The following LRRC4C variants were observed in gnomAD, a reference collection of about 807,000 sequenced individuals.
LRRC4C encodes leucine-rich repeat-containing protein 4C.
Under a neutral mutation model 33.6 loss-of-function variants are expected in LRRC4C, and 5 were observed. That is an observed-to-expected ratio of 0.15 (90% CI 0.08 to 0.31). LRRC4C has a LOEUF of 0.31. Among genes scored for constraint, LRRC4C ranks in the 10% least tolerant of loss-of-function variants. The probability of loss-of-function intolerance (pLI) is 1.00; values close to 1 mark genes in which losing one functional copy is unlikely to be tolerated. For synonymous variants in LRRC4C, 329 were observed against 302.0 expected (o/e 1.09, Z -0.93); for missense variants, 560 against 796.7 (o/e 0.70, Z 3.58).
rs192171758 is a variant in LRRC4C, at chr11:40,617,722, G to T, written c.-270+30420C>A. Among the ~76,000 whole-genome samples, 291 of 151,654 alleles carry T rather than the reference G, an allele frequency of 1.9e-3. 1 individual carries two copies. Among genetic ancestry groups the T allele is most frequent in the African/African-American group, 6.7e-3 (278 of 41,432 alleles). On this transcript the variant is annotated intron_variant, in intron 3 of 6. Coordinates refer to ENST00000528697, the MANE Select transcript of LRRC4C (RefSeq NM_001258419.2). ...TGAATTTGGTATTCTTTATTATTGGGCAGACTGAATACATAATCATACATG... is the reference window on the plus strand; with the variant it reads ...TGAATTTGGTATTCTTTATTATTGGTCAGACTGAATACATAATCATACATG...
chr11:41,307,965 A>G (rs1019294275), intron 1 of LRRC4C, among the ~76,000 whole-genome samples: 13 of 152,178 alleles, frequency 8.5e-5, no homozygotes, highest in Admixed American at 2.0e-4. Flanking sequence ...GCCCACATTC[A>G]GACTCATGTC....
At chr11:41,075,470 GA>G (rs1939079024) in intron 1 of LRRC4C, among the ~76,000 whole-genome samples, 1 of 151,982 alleles carries the variant, frequency 6.6e-6, no homozygotes, top group Non-Finnish European at 1.5e-5. Flanking sequence ...AACATTAGTG[GA>G]AGGTATTATT....
intron 1 of LRRC4C, among the ~76,000 whole-genome samples, chr11:41,205,464 A>G (rs1946562126): frequency 6.6e-6 from 1 of 152,164 alleles, no homozygotes; most frequent in South Asian, 2.1e-4. Context: ...TACCAGATAA[A>G]CAAAGGAGAT....
chr11:41,308,607 C>T (rs1468694473), intron 1 of LRRC4C, among the ~76,000 whole-genome samples: 1 of 152,042 alleles, frequency 6.6e-6, no homozygotes. Context: ...GTATTCAAAG[C>T]GAAGAGATAT....
intron 3 of LRRC4C, among the ~76,000 whole-genome samples, chr11:40,514,623 A>G (rs1955486381): frequency 6.6e-6 from 1 of 151,904 alleles, no homozygotes; most frequent in Non-Finnish European, 1.5e-5. Context: ...TTTATCCTTT[A>G]TTTTAATTAT....
intron 2 of LRRC4C, among the ~76,000 whole-genome samples, chr11:40,717,559 C>A (rs1360084545): frequency 6.6e-6 from 1 of 151,866 alleles, no homozygotes; most frequent in Non-Finnish European, 1.5e-5. Flanking sequence ...ACATGGGGTT[C>A]TTTTTTTGGG....
chr11:40,178,148 A>C (rs915556813), intron 5 of LRRC4C, among the ~76,000 whole-genome samples: 2 of 152,194 alleles, frequency 1.3e-5, no homozygotes, highest in African/African-American at 4.8e-5. Context: ...TCTTATTGCC[A>C]TCTGGAGGCT....
At chr11:41,005,384 G>A (rs908489627) in intron 1 of LRRC4C, among the ~76,000 whole-genome samples, 2 of 152,110 alleles carry the variant, frequency 1.3e-5, no homozygotes, top group African/African-American at 2.4e-5. Context: ...TGGGTGGATC[G>A]CTTAAGATCA....
At chr11:40,194,844 T>C (rs1862126076) in intron 5 of LRRC4C, among the ~76,000 whole-genome samples, 1 of 152,078 alleles carries the variant, frequency 6.6e-6, no homozygotes, top group African/African-American at 2.4e-5. Flanking sequence ...ATCCCAGCAC[T>C]TTGGGAGGCC....
rs1951935002 is a variant in LRRC4C, at chr11:40,452,505, G to A, written c.-269-132784C>T. Among the ~76,000 whole-genome samples, 4 of 152,138 alleles carry A rather than the reference G, an allele frequency of 2.6e-5. No homozygotes were observed. In the South Asian group the frequency reaches 8.3e-4, roughly 31 times the overall value. ...GATACCATCTCACACCAGTTAGAAT[G>A]GTGATCATTAAAAAGTCAGGAAACA... On this transcript the variant is annotated intron_variant, in intron 3 of 6. Coordinates refer to ENST00000528697, the MANE Select transcript of LRRC4C (RefSeq NM_001258419.2).
intron 3 of LRRC4C, among the ~76,000 whole-genome samples, chr11:40,343,880 A>C (rs1325837842): frequency 6.6e-6 from 1 of 152,108 alleles, no homozygotes; most frequent in Non-Finnish European, 1.5e-5. Flanking sequence ...ACCTCCATGC[A>C]CACAAGCTAG....
intron 2 of LRRC4C, among the ~76,000 whole-genome samples, chr11:40,847,925 T>G (rs1953272317): frequency 6.6e-6 from 1 of 152,006 alleles, no homozygotes; most frequent in African/African-American, 2.4e-5. Flanking sequence ...CCTTTCTATT[T>G]TCTAGTTTAT....
intron 3 of LRRC4C, among the ~76,000 whole-genome samples, chr11:40,599,464 TAAG>T (rs1027290833): frequency 6.6e-6 from 1 of 152,114 alleles, no homozygotes; most frequent in African/African-American, 2.4e-5. Context: ...ATGGCCTTCT[TAAG>T]AAGAACCATA....
chr11:40,154,287 CAAA>C (rs60017606), intron 5 of LRRC4C, among the ~76,000 whole-genome samples: 10 of 114,168 alleles, frequency 8.8e-5, no homozygotes, highest in Non-Finnish European at 1.1e-4. Context: ...AGCTAAAAAG[CAAA>C]AAAAAAAAAA....
chr11:40,698,396 A>T (rs947678502), intron 2 of LRRC4C, among the ~76,000 whole-genome samples: 1 of 152,132 alleles, frequency 6.6e-6, no homozygotes, highest in Non-Finnish European at 1.5e-5. Flanking sequence ...ACTAGCAATC[A>T]TTGTATTTTG....
chr11:40,311,045 A>G (rs1306398554), intron 4 of LRRC4C, among the ~76,000 whole-genome samples: 1 of 152,172 alleles, frequency 6.6e-6, no homozygotes, highest in East Asian at 1.9e-4. Context: ...CTCTGCCAAA[A>G]CAGAAAATAT....
At chr11:41,188,300 T>C (rs933346484) in intron 1 of LRRC4C, among the ~76,000 whole-genome samples, 8 of 152,206 alleles carry the variant, frequency 5.3e-5, no homozygotes, top group African/African-American at 1.9e-4. Context: ...TCTTATTTTT[T>C]AGTTGCTTTT....
chr11:41,317,405 C>A (rs1950829005), intron 1 of LRRC4C, among the ~76,000 whole-genome samples: 1 of 152,108 alleles, frequency 6.6e-6, no homozygotes, highest in Admixed American at 6.6e-5. Context: ...CATAATATTT[C>A]CCTAAGGATA....
chr11:40,865,577 A>G (rs1340900502), intron 2 of LRRC4C, among the ~76,000 whole-genome samples: 2 of 151,262 alleles, frequency 1.3e-5, no homozygotes, highest in African/African-American at 4.8e-5. Context: ...GTGTAATTTT[A>G]TCTCTCAGTT....
Sources: gnomAD v4.1 joint callset for allele counts (sites outside exome capture counted in the v4.1 genomes callset) on GRCh38, gnomAD v4.1.1 for gene constraint, MANE v1.5 for transcripts, NCBI Gene and HGNC (gene_info 2026-07-23, HGNC 2026-07-21) for gene names.